MCMDC2: variants seen among roughly 807,000 people sequenced by gnomAD.
The protein encoded by MCMDC2 is minichromosome maintenance domain containing 2, also known as minichromosome maintenance domain-containing protein 2.
A neutral mutation model predicts 75.8 loss-of-function variants in MCMDC2; 54 were observed. That is an observed-to-expected ratio of 0.71 (90% CI 0.57 to 0.89). MCMDC2 has a LOEUF of 0.89. Ranked by LOEUF, MCMDC2 falls within the 40% of genes least tolerant of loss-of-function variation. The probability of loss-of-function intolerance (pLI) is 0.00; values close to 1 mark genes in which losing one functional copy is unlikely to be tolerated. For synonymous variants in MCMDC2, 249 were observed against 274.6 expected (o/e 0.91, Z 0.92); for missense variants, 656 against 780.4 (o/e 0.84, Z 1.90).
intron 9 of MCMDC2, among the ~76,000 whole-genome samples, chr8:66,888,507 A>G (rs746348245): frequency 3.9e-5 from 6 of 152,186 alleles, no homozygotes; most frequent in Non-Finnish European, 8.8e-5. Flanking sequence ...CAATCCATGA[A>G]TGTGGCATAT....
rs997723904 is a variant in MCMDC2 at position 66,885,151 on chromosome 8, G to C, written c.1073+1157G>C. 3.3e-5 allele frequency among the ~76,000 whole-genome samples: 5 copies of C among 151,820 alleles called. No individual in the cohort carries two copies. In the South Asian group the frequency reaches 8.3e-4, roughly 25 times the overall value. ...GATCGAGACCATCCTGGCTAACACCGTGAAACCCCGTCTCTACTAAAAATA... is the reference window on the plus strand; with the variant it reads ...GATCGAGACCATCCTGGCTAACACCCTGAAACCCCGTCTCTACTAAAAATA... On this transcript the variant is annotated intron_variant, in intron 9 of 14. Transcript: ENST00000422365.
intron 14 of MCMDC2, among the ~76,000 whole-genome samples, chr8:66,911,170 C>T (rs958603228): frequency 1.3e-5 from 2 of 152,146 alleles, no homozygotes; most frequent in South Asian, 2.1e-4. Context: ...CAAACTTCAT[C>T]TTGAATTGTA....
At chr8:66,874,763 A>T (rs890467612) in intron 4 of MCMDC2, among the ~76,000 whole-genome samples, 177 bp downstream of exon 4, 1 of 151,710 alleles carries the variant, frequency 6.6e-6, no homozygotes, top group Non-Finnish European at 1.5e-5. Context: ...AACATTAAAC[A>T]CTTCTTTTTT....
At chr8:66,924,483 A>T (rs1179575509), downstream of MCMDC2, among the ~76,000 whole-genome samples, 1 of 151,830 alleles carries the variant, frequency 6.6e-6, no homozygotes, top group Non-Finnish European at 1.5e-5. Flanking sequence ...AGAAATACAA[A>T]AATTAGCCGG....
intron 4 of MCMDC2, among the ~76,000 whole-genome samples, chr8:66,877,131 A>G (rs1325566247): frequency 6.6e-6 from 1 of 152,134 alleles, no homozygotes; most frequent in Non-Finnish European, 1.5e-5. Context: ...GAAAAATTTA[A>G]AGTTCATAAT....
intron 14 of MCMDC2, among the ~76,000 whole-genome samples, chr8:66,912,549 T>C (rs1427700331): frequency 6.6e-6 from 1 of 152,136 alleles, no homozygotes; most frequent in Non-Finnish European, 1.5e-5. Context: ...AGCCCATCAA[T>C]GACAGACTGG....
chr8:66,923,850 T>G (rs962976306), downstream of MCMDC2, among the ~76,000 whole-genome samples: 1 of 151,942 alleles, frequency 6.6e-6, no homozygotes, highest in African/African-American at 2.4e-5. Flanking sequence ...ATCGCGCCAC[T>G]GCACTCCAGC....
chr8:66,881,912 AT>A (rs1398162372), intron 8 of MCMDC2, among the ~76,000 whole-genome samples: 2 of 152,232 alleles, frequency 1.3e-5, no homozygotes, highest in Non-Finnish European at 2.9e-5. Context: ...TAAATCTTGA[AT>A]AGAGTTGGAT....
chr8:66,893,554 A>T (rs72654916), intron 10 of MCMDC2, among the ~76,000 whole-genome samples: 1 of 151,362 alleles, frequency 6.6e-6, no homozygotes, highest in Non-Finnish European at 1.5e-5. Context: ...GTGCAGGGAA[A>T]CTCCCCGTTT....
chr8:66,901,181 A>T, intron 12 of MCMDC2, 25 bp from the exon 13 acceptor site: 1 of 1,556,076 alleles, frequency 6.4e-7, no homozygotes, highest in Non-Finnish European at 8.9e-7. Flanking sequence ...AAGCTTGATT[A>T]TCTTGGATTT....
Position 66,878,575 on chromosome 8 carries a change from A to G in MCMDC2, c.483A>G (p.Gly161=). Residue 161 remains glycine (G), a splice_region_variant and synonymous_variant, in exon 6 of 15, where the codon GGA becomes GGG. Transcript: ENST00000422365. The part of the protein sequence containing the change: ...CSDEACPLSK[G]FQYIRVHVPG... ...TATGTTACCACTGTTTTCTTTCAGG[A>G]TTTCAGTATATAAGAGTGCATGTGC... 1 of 1,570,974 alleles carries G rather than the reference A, an allele frequency of 6.4e-7. No homozygotes were observed. The highest frequency in any genetic ancestry group is 8.6e-7 in the Non-Finnish European group (1 of 1,163,466).
chr8:66,891,568 A>T (rs1812109547), intron 10 of MCMDC2, among the ~76,000 whole-genome samples: 1 of 152,158 alleles, frequency 6.6e-6, no homozygotes, highest in African/African-American at 2.4e-5. Flanking sequence ...TGCCTCTGTT[A>T]ATATGATCAT....
At position 66,902,721 on chromosome 8, in the gene MCMDC2, T is replaced by A. The variant is rs867075455; in HGVS notation, c.1769+1373T>A. Reference sequence around the variant, plus strand: ...AAAAAAAAAAAAAAAAATATATATATATATATATATATATATATATACATA... The same window carrying A: ...AAAAAAAAAAAAAAAAATATATATAAATATATATATATATATATATACATA... On this transcript the variant is annotated intron_variant, in intron 13 of 14. Coordinates refer to ENST00000422365, the MANE Select transcript of MCMDC2 (RefSeq NM_173518.5). Among the ~76,000 whole-genome samples, 771 of 131,606 alleles carry A rather than the reference T, an allele frequency of 5.9e-3. 18 individuals carry two copies. Among genetic ancestry groups the A allele is most frequent in the African/African-American group, 0.021 (671 of 32,214 alleles). 86.3% of individuals were successfully genotyped at this position (131,606 alleles called of 152,430 possible). A position where few individuals can be genotyped will look rare whatever the true frequency, so the allele number is the denominator to read the frequency against.
intron 12 of MCMDC2, 136 bp downstream of exon 12, chr8:66,897,095 A>G (rs1055647759): frequency 2.4e-6 from 2 of 823,146 alleles, no homozygotes; most frequent in Non-Finnish European, 1.8e-6. Context: ...TAAACATTTT[A>G]AGGACATTGC....
chr8:66,901,574 G>A, intron 13 of MCMDC2: 1 of 1,209,116 alleles, frequency 8.3e-7, no homozygotes, highest in Non-Finnish European at 1.0e-6. Context: ...ATTTTTATTG[G>A]ATGCCATATG....
At chr8:66,893,941 G>T (rs1165764638) in intron 10 of MCMDC2, among the ~76,000 whole-genome samples, 1 of 152,080 alleles carries the variant, frequency 6.6e-6, no homozygotes, top group Non-Finnish European at 1.5e-5. Context: ...TTAAAACTCT[G>T]CTGTCATCAT....
intron 14 of MCMDC2, among the ~76,000 whole-genome samples, chr8:66,906,962 T>G (rs1481678967): frequency 1.3e-5 from 2 of 152,048 alleles, no homozygotes; most frequent in African/African-American, 2.4e-5. Flanking sequence ...GAGATGGGGT[T>G]TCTCCATGTT....
At position 66,901,328 on chromosome 8, in the gene MCMDC2, A is replaced by C. The variant is rs1812647963; in HGVS notation, c.1749A>C (p.Ser583=). The part of the protein sequence containing the change: ...RTGSVCGSKL[S]ASALKYLVFL... ...GCTCTGTATGTGGATCAAAGCTGTCAGCATCTGCATTAAAATATCTGTAGG... is the reference window on the plus strand; with the variant it reads ...GCTCTGTATGTGGATCAAAGCTGTCCGCATCTGCATTAAAATATCTGTAGG... The change falls in exon 13 of 15, where the codon TCA becomes TCC. Residue 583 remains serine, a synonymous_variant. Coordinates refer to ENST00000422365, the MANE Select transcript of MCMDC2 (RefSeq NM_173518.5). 1.2e-6 allele frequency: 2 copies of C among 1,611,692 alleles called. No individual in the cohort carries two copies. Among genetic ancestry groups the C allele is most frequent in the Admixed American group, 3.4e-5 (2 of 59,604 alleles).
At chr8:66,877,233 C>A in intron 4 of MCMDC2, 116 bp from the exon 5 acceptor site, 1 of 597,298 alleles carries the variant, frequency 1.7e-6, no homozygotes, top group Non-Finnish European at 2.7e-6. Flanking sequence ...AATTTTGGTT[C>A]CTAAGAACAA....
Sources: gnomAD v4.1 joint callset for allele counts (sites outside exome capture counted in the v4.1 genomes callset) on GRCh38, gnomAD v4.1.1 for gene constraint, MANE v1.5 for transcripts, NCBI Gene and HGNC (gene_info 2026-07-23, HGNC 2026-07-21) for gene names.